MBOAT2: variants seen among roughly 807,000 people sequenced by gnomAD.
MBOAT2 encodes membrane bound glycerophospholipid O-acyltransferase 2.
A neutral mutation model predicts 63.4 loss-of-function variants in MBOAT2; 28 were observed. The observed-to-expected ratio is 0.44, with a 90% confidence interval of 0.33 to 0.61. MBOAT2 has a LOEUF of 0.61. Among genes scored for constraint, MBOAT2 ranks in the 20% least tolerant of loss-of-function variants. The pLI is 0.03. For synonymous variants in MBOAT2, 211 were observed against 215.6 expected (o/e 0.98, Z 0.19); for missense variants, 470 against 605.8 (o/e 0.78, Z 2.35).
At chr2:8,859,197 A>T (rs1661323827) in intron 12 of MBOAT2, among the ~76,000 whole-genome samples, 1 of 152,204 alleles carries the variant, frequency 6.6e-6, no homozygotes, top group Non-Finnish European at 1.5e-5. Context: ...ACAAAAATGT[A>T]CATATTAATA....
rs113155055 is a variant in MBOAT2, at chr2:8,886,019, C to A, written c.451+1999G>T. Among the ~76,000 whole-genome samples the A allele has an allele frequency of 1.3e-3, 201 of 152,296 alleles. 1 individual carries two copies. Among genetic ancestry groups the A allele is most frequent in the African/African-American group, 4.6e-3 (191 of 41,554 alleles). Reference sequence around the variant, plus strand: ...TCCCCTACACCGATAGGAAATGTCCCCTATGTCTAGCCTATTTGTGCCAAC... The same window carrying A: ...TCCCCTACACCGATAGGAAATGTCCACTATGTCTAGCCTATTTGTGCCAAC... On this transcript the variant is annotated intron_variant, in intron 5 of 12. Transcript: ENST00000305997.
intron 9 of MBOAT2, among the ~76,000 whole-genome samples, chr2:8,866,628 G>A (rs1661916382): frequency 6.6e-6 from 1 of 152,176 alleles, no homozygotes; most frequent in African/African-American, 2.4e-5. Context: ...ATCCCCCTTT[G>A]TATTCAAATA....
intron 10 of MBOAT2, among the ~76,000 whole-genome samples, chr2:8,863,426 G>A (rs1310187959): frequency 6.6e-6 from 1 of 152,160 alleles, no homozygotes; most frequent in Non-Finnish European, 1.5e-5. Flanking sequence ...TGTGCTCACA[G>A]GGACGATAAG....
At chr2:8,916,458 T>C (rs755819672) in intron 3 of MBOAT2, among the ~76,000 whole-genome samples, 4 of 152,222 alleles carry the variant, frequency 2.6e-5, no homozygotes, top group South Asian at 4.1e-4. Context: ...ACATCTAAAA[T>C]ATCTGTTCAC....
chr2:8,971,663 G>T (rs1412297963), intron 1 of MBOAT2, among the ~76,000 whole-genome samples: 4 of 152,158 alleles, frequency 2.6e-5, no homozygotes, highest in Admixed American at 2.0e-4. Flanking sequence ...AGCAACTTCA[G>T]CAAAGTCTCA....
rs1365820583 is a variant in MBOAT2, at chr2:8,858,675, C to T, written c.*4G>A. The T allele has an allele frequency of 6.3e-7, 1 of 1,597,582 alleles. No individual in the cohort carries two copies. Among genetic ancestry groups the T allele is most frequent in the African/African-American group, 1.3e-5 (1 of 74,178 alleles). ...AAAAAAAACAGCCCTCAGAGCCTTC[C>T]CGATCACTGCTTTAGTGATGAATGT... On this transcript the variant is annotated 3_prime_UTR_variant, in exon 13 of 13. Transcript: ENST00000305997.
At chr2:8,873,001 C>T (rs1662440430) in intron 8 of MBOAT2, 107 bp downstream of exon 8, 2 of 943,828 alleles carry the variant, frequency 2.1e-6, no homozygotes, top group African/African-American at 1.7e-5. Flanking sequence ...CTTAATTTTT[C>T]CAATTGGTCT....
intron 3 of MBOAT2, among the ~76,000 whole-genome samples, chr2:8,931,819 C>A (rs1346190633): frequency 1.3e-5 from 2 of 152,122 alleles, no homozygotes; most frequent in African/African-American, 4.8e-5. Flanking sequence ...GCCTGTTTTT[C>A]AAGCACCATT....
chr2:8,986,429 G>A (rs1393460332), intron 1 of MBOAT2, among the ~76,000 whole-genome samples: 1 of 152,004 alleles, frequency 6.6e-6, no homozygotes, highest in East Asian at 1.9e-4. Context: ...CGTGCCTGGT[G>A]GCGCATGCCT....
chr2:8,955,966 A>G (rs1330946948), intron 2 of MBOAT2, among the ~76,000 whole-genome samples: 2 of 152,216 alleles, frequency 1.3e-5, no homozygotes, highest in African/African-American at 4.8e-5. Flanking sequence ...AAATTTTTCA[A>G]TTAAGGTATG....
chr2:8,913,897 C>T (rs1368776622), intron 3 of MBOAT2, among the ~76,000 whole-genome samples: 1 of 152,134 alleles, frequency 6.6e-6, no homozygotes, highest in Non-Finnish European at 1.5e-5. Flanking sequence ...GCACAATTCA[C>T]GATTGCAAAA....
At chr2:8,884,108 C>T (rs1019133364) in intron 5 of MBOAT2, among the ~76,000 whole-genome samples, 1 of 140,550 alleles carries the variant, frequency 7.1e-6, no homozygotes, top group East Asian at 2.1e-4. Flanking sequence ...TGGCGGCGGG[C>T]GCCTATAATC....
At chr2:8,928,554 C>T (rs935516231) in intron 3 of MBOAT2, among the ~76,000 whole-genome samples, 1 of 151,986 alleles carries the variant, frequency 6.6e-6, no homozygotes, top group Non-Finnish European at 1.5e-5. Flanking sequence ...ACATAACTTA[C>T]ATAAATAATA....
intron 1 of MBOAT2, among the ~76,000 whole-genome samples, chr2:8,978,735 CG>C (rs1351549731): frequency 6.6e-6 from 1 of 151,984 alleles, no homozygotes; most frequent in Non-Finnish European, 1.5e-5. Context: ...ACCTAAATGA[CG>C]GGTTGACAGG....
intron 3 of MBOAT2, among the ~76,000 whole-genome samples, chr2:8,925,788 T>C (rs1380940006): frequency 6.6e-6 from 1 of 152,230 alleles, no homozygotes; most frequent in South Asian, 2.1e-4. Flanking sequence ...CTGAATATGA[T>C]GCATGTGTGT....
chr2:8,990,695 G>T (rs981937058), intron 1 of MBOAT2, among the ~76,000 whole-genome samples: 1 of 152,030 alleles, frequency 6.6e-6, no homozygotes, highest in Non-Finnish European at 1.5e-5. Context: ...CATAAAAATT[G>T]CAACAATACT....
At position 8,873,083 on chromosome 2, in the gene MBOAT2, G is replaced by A. The variant is rs192618825; in HGVS notation, c.883+25C>T. 3.1e-4 allele frequency: 496 copies of A among 1,599,706 alleles called. No homozygotes were observed. In the African/African-American group the frequency reaches 4.5e-3, roughly 15 times the overall value. ...TAAGAAACGCTTCAACCAGACACAG[G>A]GAAATCTATTTACATGTTACTTACC... is the stretch of plus-strand genomic sequence containing the variant. On this transcript the variant is annotated intron_variant, in intron 8 of 12. Coordinates refer to ENST00000305997, the MANE Select transcript of MBOAT2 (RefSeq NM_138799.4).
chr2:8,934,585 A>G (rs1667535822), intron 3 of MBOAT2, among the ~76,000 whole-genome samples: 1 of 152,220 alleles, frequency 6.6e-6, no homozygotes, highest in Non-Finnish European at 1.5e-5. Flanking sequence ...CAATTTTAGA[A>G]TTACTCACAG....
At chr2:8,947,454 A>T (rs1668494054) in intron 2 of MBOAT2, among the ~76,000 whole-genome samples, 1 of 99,944 alleles carries the variant, frequency 1.0e-5, no homozygotes, top group African/African-American at 3.8e-5. Context: ...GTGTAGATCT[A>T]ATAGCCTACT....
Sources: allele counts gnomAD v4.1 joint callset (sites outside exome capture counted in the v4.1 genomes callset), GRCh38; gene constraint gnomAD v4.1.1; transcripts MANE v1.5; gene names NCBI Gene and HGNC (gene_info 2026-07-23, HGNC 2026-07-21).